Variants in SCARF1 observed in about 807,000 individuals in gnomAD.
SCARF1 encodes the protein acetyl LDL receptor.
In SCARF1, 49 loss-of-function variants were observed where a neutral mutation model predicts 76.3. The ratio of observed to expected loss-of-function variants is 0.64; its 90% CI spans 0.51 to 0.81. The LOEUF is 0.81. Among genes scored for constraint, SCARF1 ranks in the 40% least tolerant of loss-of-function variants. The probability of loss-of-function intolerance (pLI) is 0.00; values close to 1 mark genes in which losing one functional copy is unlikely to be tolerated. For missense variants in SCARF1, 1,098 were observed against 1,143.9 expected, an observed-to-expected ratio of 0.96 and a Z score of 0.58; for synonymous variants, 495 against 474.6, an observed-to-expected ratio of 1.04 and a Z score of -0.56.
At position 1,643,967 on chromosome 17, in the gene SCARF1, C is replaced by T; in HGVS notation, c.266G>A (p.Arg89His). The change falls in exon 4 of 11, where the codon CGC becomes CAC. Residue 89 changes from arginine (R) to histidine (H), a missense_variant and splice_region_variant. By Grantham distance (29) the Arg-to-His change is conservative (BLOSUM62 0). Coordinates refer to ENST00000263071, the MANE Select transcript of SCARF1 (RefSeq NM_003693.4). ...PGFFGAHCSSRCPGQYWGPDC... is the reference protein window; with the variant it reads ...PGFFGAHCSSHCPGQYWGPDC... ...GGGGCCCCAGTACTGGCCCGGGCAG[C>T]CTGCGGGGGTGGGGACGGGAGGGGT... 2.3e-6 allele frequency: 3 copies of T among 1,326,690 alleles called. No individual in the cohort carries two copies. Among genetic ancestry groups the T allele is most frequent in the South Asian group, 2.0e-5 (1 of 50,500 alleles). 82.2% of individuals were successfully genotyped at this position (1,326,690 alleles called of 1,614,324 possible).
rs11078547 is a variant in SCARF1 at position 1,634,405 on chromosome 17, A to T, written c.*353T>A. The T allele has an allele frequency of 0.63, 243,960 of 387,790 alleles. 77,555 individuals are homozygous for T. The highest frequency in any genetic ancestry group is 0.87 in the East Asian group (23,640 of 27,194). The allele number at this position is 387,790 out of a possible 1,614,324, so 24.0% of individuals were successfully genotyped here. On this transcript the variant is annotated 3_prime_UTR_variant, in exon 11 of 11. Coordinates refer to ENST00000263071, the MANE Select transcript of SCARF1 (RefSeq NM_003693.4). ...TTCTGTCTCAAAAAAAAAAAAAAAA[A>T]TTTGTTTAGCCAATCTTTTATCAGC...
In SCARF1 at chr17:1,643,919, C is replaced by T; in HGVS notation, c.314G>A (p.Cys105Tyr). Residue 105 changes from cysteine (C) to tyrosine (Y), a missense_variant, in exon 4 of 11, where the codon TGC becomes TAC. Physicochemically the swap from Cys to Tyr is radical, Grantham distance 194 (BLOSUM62 -2). Transcript: ENST00000263071. ...WGPDCRESCPCHPHGQCEPAT... is the reference protein window; with the variant it reads ...WGPDCRESCPYHPHGQCEPAT... ...TGGCTCGCACTGGCCGTGCGGGTGG[C>T]AGGGGCAGCTCTCACGGCAGTCGGG... 7.4e-7 allele frequency: 1 copy of T among 1,348,452 alleles called. No homozygotes were observed. Among genetic ancestry groups the T allele is most frequent in the Non-Finnish European group, 9.5e-7 (1 of 1,053,004 alleles). The allele number at this position is 1,348,452 out of a possible 1,614,324, so 83.5% of individuals were successfully genotyped here.
chr17:1,644,100 C>T lies in SCARF1; in HGVS notation c.266-133G>A. Reference sequence around the variant, plus strand: ...GCCGGGGACAGACCCTCAGAACATCCGGCAGCCTGTCCTGGGCAACACTCA... The same window carrying T: ...GCCGGGGACAGACCCTCAGAACATCTGGCAGCCTGTCCTGGGCAACACTCA... On this transcript the variant is annotated intron_variant, in intron 3 of 10. Coordinates refer to ENST00000263071, the MANE Select transcript of SCARF1 (RefSeq NM_003693.4). This position sits in a 1 kb window ranked among gnomAD's most constrained non-coding sequence, Gnocchi z 4.8. 1 of 673,002 alleles carries T rather than the reference C, an allele frequency of 1.5e-6. No individual in the cohort carries two copies. The highest frequency in any genetic ancestry group is 1.9e-5 in the African/African-American group (1 of 53,428). The allele number at this position is 673,002 out of a possible 1,614,324, so 41.7% of individuals were successfully genotyped here.
At chr17:1,638,551 C>T (rs117255519) in intron 8 of SCARF1, 6,117 of 328,604 alleles carry the variant, frequency 0.019, 94 homozygotes, top group South Asian at 0.067. Flanking sequence ...GACCCGGTGT[C>T]TCCAGTGTCT....
At position 1,635,007 on chromosome 17, in the gene SCARF1, G is replaced by C; in HGVS notation, c.2244C>G (p.Gly748=). 6.2e-7 allele frequency: 1 copy of C among 1,613,948 alleles called. No individual in the cohort carries two copies. The highest frequency in any genetic ancestry group is 1.7e-5 in the Admixed American group (1 of 60,036). The change falls in exon 11 of 11, where the codon GGC becomes GGG. Residue 748 remains glycine (G), a synonymous_variant. Coordinates refer to ENST00000263071, the MANE Select transcript of SCARF1 (RefSeq NM_003693.4). ...CTGAGTTGGGGCTCTGGCCGACAGA[G>C]CCAGAGGCAAGGCCAGGGCTGCCCT... ...RKKGSPGLAS[G]SVGQSPNSAP... is the part of the protein sequence containing the mutation.
intron 4 of SCARF1, among the ~76,000 whole-genome samples, chr17:1,643,018 C>T (rs561800352): frequency 6.6e-6 from 1 of 152,138 alleles, no homozygotes; most frequent in South Asian, 2.1e-4. Flanking sequence ...TCCCCTTTCT[C>T]GTTCCTCTGC....
chr17:1,640,232 A>AGGGC lies in SCARF1; in HGVS notation c.1011-196_1011-193dup. On this transcript the variant is annotated intron_variant, in intron 5 of 10. Coordinates refer to ENST00000263071, the MANE Select transcript of SCARF1 (RefSeq NM_003693.4). This position sits in a 1 kb window ranked among gnomAD's most constrained non-coding sequence, Gnocchi z 4.7. ...CAGGTGACAGACTACAAGTCCCCAG[A>AGGGC]GGGCGAGGAGGGCAGGAAGCCTCAG... 2 of 772,338 alleles carry AGGGC rather than the reference A, an allele frequency of 2.6e-6. No individual in the cohort carries two copies. The highest frequency in any genetic ancestry group is 4.1e-6 in the Non-Finnish European group (2 of 492,042). The allele number at this position is 772,338 out of a possible 1,614,324, so 47.8% of individuals were successfully genotyped here.
Position 1,640,807 on chromosome 17 carries a change from C to T in SCARF1, c.792-141G>A. On this transcript the variant is annotated intron_variant, in intron 4 of 10. Coordinates refer to ENST00000263071, the MANE Select transcript of SCARF1 (RefSeq NM_003693.4). This position sits in a 1 kb window ranked among gnomAD's most constrained non-coding sequence, Gnocchi z 4.7. ...ACCTGGGTCAGGCAGGTTTGAGCCT[C>T]AGTTTCCCCACGTTGTACAATGAGG... The T allele has an allele frequency of 1.4e-6, 1 of 704,022 alleles. No individual in the cohort carries two copies. Among genetic ancestry groups the T allele is most frequent in the Non-Finnish European group, 2.5e-6 (1 of 405,138 alleles). The allele number at this position is 704,022 out of a possible 1,614,324, so 43.6% of individuals were successfully genotyped here.
At chr17:1,637,811 T>G (rs1161711548) in intron 8 of SCARF1, among the ~76,000 whole-genome samples, 1 of 152,128 alleles carries the variant, frequency 6.6e-6, no homozygotes, top group Non-Finnish European at 1.5e-5. Context: ...AAGCCTTCCC[T>G]TGTTCCCACT....
chr17:1,643,489 G>C lies in SCARF1; in HGVS notation c.744C>G (p.Cys248Trp). The change falls in exon 4 of 11, where the codon TGC becomes TGG. Residue 248 changes from cysteine to tryptophan, a missense_variant. By Grantham distance (215) the Cys-to-Trp change is radical (BLOSUM62 -2). Coordinates refer to ENST00000263071, the MANE Select transcript of SCARF1 (RefSeq NM_003693.4). ...TCPPGFRGAR[C>W]ELPCPAGSHG... Reference sequence around the variant, plus strand: ...GGCTGCCTGCCGGGCAGGGCAGCTCGCAGCGCGCTCCGCGGAAGCCGGGCG... The same window carrying C: ...GGCTGCCTGCCGGGCAGGGCAGCTCCCAGCGCGCTCCGCGGAAGCCGGGCG... 1.5e-6 allele frequency: 2 copies of C among 1,332,450 alleles called. No individual in the cohort carries two copies. Among genetic ancestry groups the C allele is most frequent in the Non-Finnish European group, 1.9e-6 (2 of 1,048,954 alleles). 82.5% of individuals were successfully genotyped at this position (1,332,450 alleles called of 1,614,324 possible). A position where few individuals can be genotyped will look rare whatever the true frequency, so the allele number is the denominator to read the frequency against.
At chr17:1,637,380 A>T (rs1272620571) in intron 8 of SCARF1, among the ~76,000 whole-genome samples, 5 of 151,284 alleles carry the variant, frequency 3.3e-5, no homozygotes, top group Admixed American at 6.6e-5. Flanking sequence ...ATATCTATCC[A>T]TCTATCTATC....
chr17:1,638,554 CA>C (rs1909766786), intron 8 of SCARF1: 4 of 334,324 alleles, frequency 1.2e-5, no homozygotes, highest in Non-Finnish European at 2.2e-5. Context: ...CCGGTGTCTC[CA>C]GTGTCTCCAG....
chr17:1,638,967 CT>C (rs771304907), intron 7 of SCARF1, 41 bp from the exon 8 acceptor site: 1,093 of 1,533,912 alleles, frequency 7.1e-4, no homozygotes, highest in Middle Eastern at 2.4e-3. Context: ...GCCTTCCTGT[CT>C]CCTACACATC....
intron 10 of SCARF1, among the ~76,000 whole-genome samples, chr17:1,636,310 G>A (rs1167118708): frequency 1.3e-5 from 2 of 152,216 alleles, no homozygotes; most frequent in Admixed American, 1.3e-4. Context: ...CCGGAGCCAA[G>A]AACAGTGACT....
In SCARF1 at chr17:1,640,361, G is replaced by T. The variant is rs190764105; in HGVS notation, c.1010+87C>A. On this transcript the variant is annotated intron_variant, in intron 5 of 10. Coordinates refer to ENST00000263071, the MANE Select transcript of SCARF1 (RefSeq NM_003693.4). This position sits in a 1 kb window ranked among gnomAD's most constrained non-coding sequence, Gnocchi z 4.7. ...CTGGGGCCGCATGAACCTGTGTGTC[G>T]GGGAGGGTGGTGCTCTCGGAGAGAG... The T allele has an allele frequency of 4.0e-6, 5 of 1,238,758 alleles. No homozygotes were observed. Among genetic ancestry groups the T allele is most frequent in the East Asian group, 2.6e-5 (1 of 39,078 alleles). 76.7% of individuals were successfully genotyped at this position (1,238,758 alleles called of 1,614,324 possible).
At position 1,634,686 on chromosome 17, in the gene SCARF1, C is replaced by T. The variant is rs1909366289; in HGVS notation, c.*72G>A. The T allele has an allele frequency of 2.7e-6, 4 of 1,499,308 alleles. No homozygotes were observed. The highest frequency in any genetic ancestry group is 2.3e-5 in the Admixed American group (1 of 43,962). The allele number at this position is 1,499,308 out of a possible 1,614,324, so 92.9% of individuals were successfully genotyped here. A position where few individuals can be genotyped will look rare whatever the true frequency, so the allele number is the denominator to read the frequency against. The stretch of plus-strand genomic sequence containing the variant: ...AGAGGCTCTGGTTTGTCTGTCCTGG[C>T]CCCGGGATCATTTTCCAGCACACAG... On this transcript the variant is annotated 3_prime_UTR_variant, in exon 11 of 11. Transcript: ENST00000263071.
intron 4 of SCARF1, 66 bp downstream of exon 4, chr17:1,643,376 C>A: frequency 1.3e-6 from 1 of 746,660 alleles, no homozygotes; most frequent in Non-Finnish European, 1.7e-6. Context: ...CTCCGCCCCG[C>A]CCCGCCTGCT....
In SCARF1 at chr17:1,644,298, G is replaced by A. The variant is rs775571094; in HGVS notation, c.266-331C>T. ...CATGCCTGCTCCTCCCTGCCGAGAT[G>A]GATCTCTGCTGGGCTGGAGGAGAGC... On this transcript the variant is annotated intron_variant, in intron 3 of 10. Coordinates refer to ENST00000263071, the MANE Select transcript of SCARF1 (RefSeq NM_003693.4). This position sits in a 1 kb window ranked among gnomAD's most constrained non-coding sequence, Gnocchi z 4.8. 1.6e-5 allele frequency: 5 copies of A among 318,480 alleles called. No individual in the cohort carries two copies. The highest frequency in any genetic ancestry group is 4.8e-5 in the Admixed American group (1 of 20,662). 19.7% of individuals were successfully genotyped at this position (318,480 alleles called of 1,614,324 possible). A position where few individuals can be genotyped will look rare whatever the true frequency, so the allele number is the denominator to read the frequency against.
chr17:1,641,002 C>T (rs1010788062), intron 4 of SCARF1, among the ~76,000 whole-genome samples: 1 of 152,194 alleles, frequency 6.6e-6, no homozygotes, highest in African/African-American at 2.4e-5. Flanking sequence ...TTCCCTCCTG[C>T]TCTTTTCACT....
Sources: allele counts gnomAD v4.1 joint callset (sites outside exome capture counted in the v4.1 genomes callset), GRCh38; gene constraint gnomAD v4.1.1; non-coding constraint Gnocchi (gnomAD v3.1); transcripts MANE v1.5; gene names NCBI Gene and HGNC (gene_info 2026-07-23, HGNC 2026-07-21).